Variants in MAP3K1 observed in about 807,000 individuals in gnomAD.
MAP3K1 encodes MAP/ERK kinase kinase 1.
Under a neutral mutation model 144.2 loss-of-function variants are expected in MAP3K1, and 36 were observed. The ratio of observed to expected loss-of-function variants is 0.25; its 90% CI spans 0.19 to 0.33. The LOEUF is 0.33. Among genes scored for constraint, MAP3K1 ranks in the 10% least tolerant of loss-of-function variants. The pLI is 1.00. For synonymous variants in MAP3K1, 718 were observed against 688.7 expected (o/e 1.04, Z -0.67); for missense variants, 1,650 against 1,881.9 (o/e 0.88, Z 2.28).
chr5:56,819,448 A>C (rs78953096), intron 1 of MAP3K1, among the ~76,000 whole-genome samples: 1 of 148,404 alleles, frequency 6.7e-6, no homozygotes, highest in South Asian at 2.1e-4. Context: ...CAAAAAAAAA[A>C]CCAGCTACAG....
chr5:56,815,935 G>A lies in MAP3K1; in HGVS notation c.362G>A (p.Gly121Asp), dbSNP rs1745937361. The A allele has an allele frequency of 4.0e-6, 5 of 1,263,298 alleles. No homozygotes were observed. In the African/African-American group the frequency reaches 4.7e-5, roughly 12 times the overall value. The allele number at this position is 1,263,298 out of a possible 1,614,324, so 78.3% of individuals were successfully genotyped here. The change falls in exon 1 of 20, where the codon GGC (glycine) becomes GAC (aspartate). Residue 121 changes from glycine (G) to aspartate (D), a missense_variant. Gly to Asp is a moderately conservative substitution (Grantham distance 94). Coordinates refer to ENST00000399503, the MANE Select transcript of MAP3K1 (RefSeq NM_005921.2). ...CCCCACGGAGCCGCGAGCCGCGGCG[G>A]CGCCCACCTTACCGAGTCGGTGGCG... Reference protein sequence around the residue: ...PPPHGAASRGGAHLTESVAAP... With the variant: ...PPPHGAASRGDAHLTESVAAP...
intron 19 of MAP3K1, among the ~76,000 whole-genome samples, chr5:56,892,209 T>C (rs944632767): frequency 5.9e-5 from 9 of 152,238 alleles, no homozygotes; most frequent in Non-Finnish European, 5.9e-5. Flanking sequence ...TTTATTTCAT[T>C]GAGCACTGGT....
rs750931145 is a variant in MAP3K1, at chr5:56,885,915, T to C, written c.3983-17T>C. On this transcript the variant is annotated splice_polypyrimidine_tract_variant and intron_variant, in intron 16 of 19. Transcript: ENST00000399503. Reference sequence around the variant, plus strand: ...TTCTGTCTTAAGTTTATGATAATTATTTCTATTGTCTTATAGGGGGATCGG... The same window carrying C: ...TTCTGTCTTAAGTTTATGATAATTACTTCTATTGTCTTATAGGGGGATCGG... 42 of 1,609,774 alleles carry C rather than the reference T, an allele frequency of 2.6e-5. No homozygotes were observed. In the South Asian group the frequency reaches 4.5e-4, roughly 17 times the overall value.
chr5:56,818,734 A>G (rs528357792), intron 1 of MAP3K1, among the ~76,000 whole-genome samples: 91 of 152,292 alleles, frequency 6.0e-4, no homozygotes, highest in African/African-American at 1.9e-3. Context: ...TGGTAGATAT[A>G]ATTACCCCAT....
chr5:56,852,154 C>T (rs1482431218), intron 1 of MAP3K1: 2 of 150,878 alleles, frequency 1.3e-5, no homozygotes, highest in African/African-American at 2.4e-5. Context: ...TTTTTTTGTG[C>T]TATGAGAAGA....
At chr5:56,878,870 A>G (rs527997793) in intron 10 of MAP3K1, 110 bp from the exon 11 acceptor site, 31 of 893,166 alleles carry the variant, frequency 3.5e-5, no homozygotes, top group African/African-American at 3.0e-4. Context: ...TCTATGGGTT[A>G]TAATCCATTC....
chr5:56,891,928 G>T (rs1748561630), intron 19 of MAP3K1, among the ~76,000 whole-genome samples: 1 of 152,106 alleles, frequency 6.6e-6, no homozygotes, highest in African/African-American at 2.4e-5. Flanking sequence ...TGCTGTTTTG[G>T]TTACTGTAGC....
intron 1 of MAP3K1, among the ~76,000 whole-genome samples, chr5:56,823,903 A>G (rs1246321373): frequency 6.6e-6 from 1 of 152,236 alleles, no homozygotes; most frequent in African/African-American, 2.4e-5. Flanking sequence ...ATATATATGC[A>G]TTTATATATT....
chr5:56,892,468 C>A (rs1748577216), intron 19 of MAP3K1, among the ~76,000 whole-genome samples: 1 of 151,644 alleles, frequency 6.6e-6, no homozygotes, highest in East Asian at 1.9e-4. Flanking sequence ...AGACAAATTA[C>A]AAGAAAAAAA....
chr5:56,851,169 C>T (rs1374408283), intron 1 of MAP3K1, among the ~76,000 whole-genome samples: 4 of 152,202 alleles, frequency 2.6e-5, no homozygotes, highest in African/African-American at 9.6e-5. Flanking sequence ...TGGTCTCGAA[C>T]TCCCAACCTC....
At chr5:56,828,522 G>A (rs1409277452) in intron 1 of MAP3K1, among the ~76,000 whole-genome samples, 1 of 152,078 alleles carries the variant, frequency 6.6e-6, no homozygotes, top group Non-Finnish European at 1.5e-5. Context: ...AAATGCAAAT[G>A]AAAAGCAACA....
At chr5:56,853,329 A>G (rs10078648) in intron 1 of MAP3K1, among the ~76,000 whole-genome samples, 5,999 of 152,288 alleles carry the variant, frequency 0.039, 414 homozygotes, top group African/African-American at 0.14. Context: ...ATTTAGGAAC[A>G]GTGAAAATTG....
At chr5:56,881,326 C>T (rs954022896) in intron 13 of MAP3K1, 54 bp downstream of exon 13, 4 of 1,436,228 alleles carry the variant, frequency 2.8e-6, no homozygotes, top group South Asian at 2.3e-5. Context: ...TCCCTACACC[C>T]TCCTCAAGAA....
At chr5:56,845,023 G>T (rs1277738408) in intron 1 of MAP3K1, among the ~76,000 whole-genome samples, 2 of 152,196 alleles carry the variant, frequency 1.3e-5, no homozygotes, top group African/African-American at 4.8e-5. Context: ...GGCTTTGTAT[G>T]CTAATTCGGG....
intron 1 of MAP3K1, among the ~76,000 whole-genome samples, chr5:56,816,705 C>G (rs1192665148): frequency 6.6e-6 from 1 of 152,184 alleles, no homozygotes; most frequent in African/African-American, 2.4e-5. Flanking sequence ...CTCGGTAACG[C>G]CTGTCAAAGC....
At chr5:56,871,593 C>T (rs1425253987) in intron 6 of MAP3K1, among the ~76,000 whole-genome samples, 2 of 152,068 alleles carry the variant, frequency 1.3e-5, no homozygotes, top group Non-Finnish European at 2.9e-5. Context: ...ATAGTCAAAC[C>T]TGTTGGTCTA....
At position 56,836,136 on chromosome 5, in the gene MAP3K1, C is replaced by T. The variant is rs117334011; in HGVS notation, c.482+20081C>T. On this transcript the variant is annotated intron_variant, in intron 1 of 19. Coordinates refer to ENST00000399503, the MANE Select transcript of MAP3K1 (RefSeq NM_005921.2). ...ATGATTTCTGCTTGGTTTGTGGACT[C>T]GACTGAGGTTGATGTGAGCAGTTCC... is the stretch of plus-strand genomic sequence containing the variant. Among the ~76,000 whole-genome samples the T allele has an allele frequency of 2.0e-5, 3 of 152,236 alleles. No homozygotes were observed. In the East Asian group the frequency reaches 5.8e-4, roughly 29 times the overall value.
chr5:56,895,950 G>T lies in MAP3K1; in HGVS notation c.*2270G>T. Reference sequence around the variant, plus strand: ...AGGGCTTAAGGGCTAACTTCTATTAGCACCTTACTGTGTAAGCAAATGTTA... The same window carrying T: ...AGGGCTTAAGGGCTAACTTCTATTATCACCTTACTGTGTAAGCAAATGTTA... On this transcript the variant is annotated 3_prime_UTR_variant, in exon 20 of 20. Transcript: ENST00000399503. 4.9e-6 allele frequency: 1 copy of T among 204,700 alleles called. No individual in the cohort carries two copies. The allele number at this position is 204,700 out of a possible 1,614,324, so 12.7% of individuals were successfully genotyped here. A position where few individuals can be genotyped will look rare whatever the true frequency, so the allele number is the denominator to read the frequency against.
chr5:56,845,437 C>G (rs947417039), intron 1 of MAP3K1, among the ~76,000 whole-genome samples: 3 of 151,972 alleles, frequency 2.0e-5, no homozygotes, highest in Non-Finnish European at 4.4e-5. Flanking sequence ...TACCAGTGCC[C>G]CCAGATAAGG....
Sources: allele counts gnomAD v4.1 joint callset (sites outside exome capture counted in the v4.1 genomes callset), GRCh38; gene constraint gnomAD v4.1.1; transcripts MANE v1.5; gene names NCBI Gene and HGNC (gene_info 2026-07-23, HGNC 2026-07-21).